SPOCK1: variants seen among roughly 807,000 people sequenced by gnomAD.
SPOCK1 encodes the protein testican-1.
SPOCK1 carries 23 observed loss-of-function variants against 55.3 expected under a neutral mutation model. That is an observed-to-expected ratio of 0.42 (90% CI 0.30 to 0.59). SPOCK1 has a LOEUF of 0.59. Among genes scored for constraint, SPOCK1 ranks in the 20% least tolerant of loss-of-function variants. The probability of loss-of-function intolerance (pLI) is 0.22; values close to 1 mark genes in which losing one functional copy is unlikely to be tolerated. For synonymous variants in SPOCK1, 226 were observed against 221.0 expected, an observed-to-expected ratio of 1.02 and a Z score of -0.20; for missense variants, 499 against 552.5, an observed-to-expected ratio of 0.90 and a Z score of 0.97.
chr5:136,998,045 A>G (rs1042305355), intron 6 of SPOCK1, among the ~76,000 whole-genome samples: 1 of 151,638 alleles, frequency 6.6e-6, no homozygotes, highest in Non-Finnish European at 1.5e-5. Flanking sequence ...GCATCACTAC[A>G]TGGAATAAGA....
intron 2 of SPOCK1, among the ~76,000 whole-genome samples, chr5:137,443,726 G>A (rs1440927515): frequency 6.6e-6 from 1 of 152,138 alleles, no homozygotes; most frequent in Non-Finnish European, 1.5e-5. Context: ...GTACCTCCTT[G>A]CTAGCTTTCA....
chr5:137,374,867 T>TAGGC (rs1751277829), intron 2 of SPOCK1, among the ~76,000 whole-genome samples: 2 of 152,172 alleles, frequency 1.3e-5, no homozygotes, highest in Non-Finnish European at 2.9e-5. Flanking sequence ...AAGGAGAAAT[T>TAGGC]AGGCAGGCAG....
intron 2 of SPOCK1, among the ~76,000 whole-genome samples, chr5:137,356,838 T>TAGAGAGAGAGAG (rs1177060339): frequency 0.019 from 102 of 5,438 alleles, 12 homozygotes; most frequent in South Asian, 0.026. Context: ...TATATATATA[T>TAGAGAGAGAGAG]AGAGAGAGAG....
chr5:137,302,991 G>A (rs573000989), intron 2 of SPOCK1, among the ~76,000 whole-genome samples: 7 of 152,272 alleles, frequency 4.6e-5, no homozygotes, highest in African/African-American at 1.4e-4. Flanking sequence ...TTCTGAGGAA[G>A]GTAATATCAT....
chr5:137,315,093 T>C (rs539663826), intron 2 of SPOCK1, among the ~76,000 whole-genome samples: 19 of 152,324 alleles, frequency 1.2e-4, no homozygotes, highest in Admixed American at 1.2e-3. Flanking sequence ...GACAGGTCCC[T>C]ACTCTTCTCT....
chr5:137,127,629 A>G (rs1753802696), intron 4 of SPOCK1, among the ~76,000 whole-genome samples: 1 of 152,258 alleles, frequency 6.6e-6, no homozygotes, highest in South Asian at 2.1e-4. Flanking sequence ...AAAGTTTACT[A>G]CTATTTGCCG....
chr5:137,381,020 T>C (rs1751453303), intron 2 of SPOCK1, among the ~76,000 whole-genome samples: 1 of 151,990 alleles, frequency 6.6e-6, no homozygotes. Context: ...ACTTCCAAGA[T>C]ATAATGGGAG....
At chr5:137,347,776 C>T (rs1323491929) in intron 2 of SPOCK1, among the ~76,000 whole-genome samples, 1 of 152,132 alleles carries the variant, frequency 6.6e-6, no homozygotes, top group Non-Finnish European at 1.5e-5. Flanking sequence ...TCTCTTGCTT[C>T]GAAGCCTCCC....
chr5:137,120,259 A>G (rs1394361066), intron 4 of SPOCK1, among the ~76,000 whole-genome samples: 2 of 152,210 alleles, frequency 1.3e-5, no homozygotes, highest in Non-Finnish European at 2.9e-5. Context: ...ATCCCAGGGC[A>G]TGCTTTCCAA....
intron 5 of SPOCK1, among the ~76,000 whole-genome samples, chr5:137,106,621 A>T (rs569473604): frequency 1.3e-5 from 2 of 151,896 alleles, no homozygotes; most frequent in East Asian, 1.9e-4. Context: ...CCATCCCTGC[A>T]CCCTCTCTGC....
intron 2 of SPOCK1, among the ~76,000 whole-genome samples, chr5:137,334,493 G>A (rs1164520840): frequency 6.6e-6 from 1 of 152,176 alleles, no homozygotes; most frequent in Non-Finnish European, 1.5e-5. Flanking sequence ...CCAGGAGTGT[G>A]GGAGGGTTTG....
At chr5:137,135,358 T>C (rs895980086) in intron 4 of SPOCK1, among the ~76,000 whole-genome samples, 9 of 152,194 alleles carry the variant, frequency 5.9e-5, no homozygotes. Flanking sequence ...GAACCAGCCA[T>C]GCAGACTAGC....
intron 3 of SPOCK1, among the ~76,000 whole-genome samples, chr5:137,222,706 T>C (rs182118172): frequency 9.3e-4 from 141 of 152,324 alleles, no homozygotes; most frequent in African/African-American, 3.3e-3. Flanking sequence ...ACAGACATCC[T>C]AGGTAAGTCA....
At chr5:137,115,611 G>C (rs4334879) in intron 4 of SPOCK1, among the ~76,000 whole-genome samples, 136,475 of 152,172 alleles carry the variant, frequency 0.9, 61,269 homozygotes, top group African/African-American at 0.93. Flanking sequence ...CCTAGGACAC[G>C]TTGGGGGCTC....
chr5:137,415,321 C>G (rs773172508), intron 2 of SPOCK1, among the ~76,000 whole-genome samples: 1 of 152,128 alleles, frequency 6.6e-6, no homozygotes, highest in African/African-American at 2.4e-5. Context: ...ATTCTCTGGG[C>G]TGACTGTTTA....
At chr5:137,472,109 A>G (rs1481856890) in intron 2 of SPOCK1, among the ~76,000 whole-genome samples, 1 of 152,170 alleles carries the variant, frequency 6.6e-6, no homozygotes, top group Non-Finnish European at 1.5e-5. Flanking sequence ...ACTCACTGCC[A>G]CGAATTCTTG....
At chr5:137,214,823 T>C (rs987024960) in intron 3 of SPOCK1, among the ~76,000 whole-genome samples, 2 of 152,220 alleles carry the variant, frequency 1.3e-5, no homozygotes, top group Admixed American at 1.3e-4. Context: ...ATTTATAGTA[T>C]ATCAAATCAT....
In SPOCK1 at chr5:137,084,954, C is replaced by CAAAAA. The variant is rs10568473; in HGVS notation, c.475-17130_475-17126dup. Reference sequence around the variant, plus strand: ...CAGAAGGCAAGAGATTTATACAAAGCAAAAAAAAAAAAAAAAAAGAATTGC... The same window carrying CAAAAA: ...CAGAAGGCAAGAGATTTATACAAAGCAAAAAAAAAAAAAAAAAAAAAAAGAATTGC... On this transcript the variant is annotated intron_variant, in intron 5 of 10. Coordinates refer to ENST00000394945, the MANE Select transcript of SPOCK1 (RefSeq NM_004598.4). Among the ~76,000 whole-genome samples, 108 of 114,232 alleles carry CAAAAA rather than the reference C, an allele frequency of 9.5e-4. 1 individual carries two copies. Among genetic ancestry groups the CAAAAA allele is most frequent in the East Asian group, 6.0e-3 (24 of 3,990 alleles). 74.9% of individuals were successfully genotyped at this position (114,232 alleles called of 152,430 possible).
rs183199471 is a variant in SPOCK1, at chr5:137,237,898, C to T, written c.232+29112G>A. On this transcript the variant is annotated intron_variant, in intron 3 of 10. Coordinates refer to ENST00000394945, the MANE Select transcript of SPOCK1 (RefSeq NM_004598.4). ...CTGGTCTGGGGGCTACACTTGAAGGCACTGCTTCAGGAAATAGGTTTTTTT... is the reference window on the plus strand; with the variant it reads ...CTGGTCTGGGGGCTACACTTGAAGGTACTGCTTCAGGAAATAGGTTTTTTT... Among the ~76,000 whole-genome samples, 3 of 152,298 alleles carry T rather than the reference C, an allele frequency of 2.0e-5. No individual in the cohort carries two copies. In the East Asian group the frequency reaches 5.8e-4, roughly 29 times the overall value.
Sources: allele counts gnomAD v4.1 joint callset (sites outside exome capture counted in the v4.1 genomes callset), GRCh38; gene constraint gnomAD v4.1.1; transcripts MANE v1.5; gene names NCBI Gene and HGNC (gene_info 2026-07-23, HGNC 2026-07-21).